The following PPARGC1A variants were observed in gnomAD, a reference collection of about 807,000 sequenced individuals.
PPARGC1A encodes the protein peroxisome proliferator-activated receptor gamma coactivator 1-alpha.
Under a neutral mutation model 88.7 loss-of-function variants are expected in PPARGC1A, and 25 were observed. The ratio of observed to expected loss-of-function variants is 0.28; its 90% CI spans 0.21 to 0.39. The LOEUF (loss-of-function observed/expected upper bound fraction) is 0.39, where lower values mean the gene tolerates loss of function less well. PPARGC1A is among the 10% of genes least tolerant of loss of function. The pLI, the probability that PPARGC1A is intolerant of heterozygous loss-of-function variation, is 1.00. For synonymous variants in PPARGC1A, 363 were observed against 355.6 expected (o/e 1.02, Z -0.24); for missense variants, 880 against 968.7 (o/e 0.91, Z 1.22).
the PPARGC1A span, among the ~76,000 whole-genome samples, chr4:24,052,903 A>G: frequency 8.9e-5 from 10 of 112,792 alleles, no homozygotes; most frequent in Non-Finnish European, 1.1e-4. Context: ...TCACTCTCTC[A>G]CCCAGGCTGA....
the PPARGC1A span, among the ~76,000 whole-genome samples, chr4:24,064,740 T>G: frequency 1.5e-3 from 224 of 152,250 alleles, no homozygotes; most frequent in African/African-American, 5.0e-3. Flanking sequence ...CTGAAGACAT[T>G]ATCCTTTCTG....
At chr4:24,356,648 C>T in the PPARGC1A span, among the ~76,000 whole-genome samples, 1 of 152,148 alleles carries the variant, frequency 6.6e-6, no homozygotes, top group African/African-American at 2.4e-5. Context: ...GTCTCTGGGC[C>T]CTGTCCTTTG....
chr4:23,868,016 T>C (rs993460342), intron 2 of PPARGC1A, among the ~76,000 whole-genome samples: 1 of 152,210 alleles, frequency 6.6e-6, no homozygotes, highest in Non-Finnish European at 1.5e-5. Flanking sequence ...TGCATTTGCA[T>C]GAGCTTCCTG....
the PPARGC1A span, among the ~76,000 whole-genome samples, chr4:23,951,074 A>G: frequency 6.6e-6 from 1 of 152,290 alleles, no homozygotes; most frequent in East Asian, 1.9e-4. Flanking sequence ...GCTACATGCC[A>G]GAGCCTGCAC....
chr4:23,969,824 C>G, the PPARGC1A span, among the ~76,000 whole-genome samples: 1 of 152,182 alleles, frequency 6.6e-6, no homozygotes, highest in Non-Finnish European at 1.5e-5. Flanking sequence ...AGCATCGAAA[C>G]ATGGATTACA....
At chr4:23,975,420 CT>C in the PPARGC1A span, among the ~76,000 whole-genome samples, 84,943 of 149,800 alleles carry the variant, frequency 0.57, 24,434 homozygotes, top group Admixed American at 0.63. Context: ...GCTATTCATT[CT>C]TTTTTTTTTT....
chr4:24,310,257 C>T, the PPARGC1A span, among the ~76,000 whole-genome samples: 2 of 152,136 alleles, frequency 1.3e-5, no homozygotes, highest in African/African-American at 4.8e-5. Context: ...AAGAGATCCA[C>T]TTCTAAGTTT....
At chr4:24,000,986 G>A in the PPARGC1A span, among the ~76,000 whole-genome samples, 1 of 152,114 alleles carries the variant, frequency 6.6e-6, no homozygotes, top group Non-Finnish European at 1.5e-5. Context: ...TATCTAAAGA[G>A]TACTATAGAA....
chr4:24,468,531 G>A, the PPARGC1A span, among the ~76,000 whole-genome samples: 234 of 152,216 alleles, frequency 1.5e-3, 5 homozygotes, highest in East Asian at 0.037. Flanking sequence ...AAATTTCCCA[G>A]TTTTTAAATG....
chr4:23,974,126 A>T, the PPARGC1A span, among the ~76,000 whole-genome samples: 2 of 152,158 alleles, frequency 1.3e-5, no homozygotes, highest in Non-Finnish European at 2.9e-5. Context: ...GCTAAGAATT[A>T]GTTGCACCAT....
At chr4:24,012,981 C>T in the PPARGC1A span, among the ~76,000 whole-genome samples, 1 of 152,202 alleles carries the variant, frequency 6.6e-6, no homozygotes, top group East Asian at 1.9e-4. Flanking sequence ...AATTTATTCT[C>T]CCACATTTTT....
chr4:24,246,427 C>T, the PPARGC1A span, among the ~76,000 whole-genome samples: 1 of 152,044 alleles, frequency 6.6e-6, no homozygotes, highest in East Asian at 1.9e-4. Context: ...AGTTCAAGAC[C>T]AGCTTGGGCA....
chr4:24,294,762 G>C, the PPARGC1A span, among the ~76,000 whole-genome samples: 1 of 152,180 alleles, frequency 6.6e-6, no homozygotes, highest in Admixed American at 6.5e-5. Flanking sequence ...TTCCTTTTAT[G>C]TTTTCTTCAT....
At chr4:23,861,252 G>A (rs551166466) in intron 2 of PPARGC1A, among the ~76,000 whole-genome samples, 5 of 152,232 alleles carry the variant, frequency 3.3e-5, no homozygotes, top group South Asian at 4.2e-4. Context: ...TGTATTATTC[G>A]AAACAAAGAA....
the PPARGC1A span, among the ~76,000 whole-genome samples, chr4:24,131,990 A>G: frequency 6.6e-6 from 1 of 152,208 alleles, no homozygotes; most frequent in African/African-American, 2.4e-5. Context: ...TTATGTTAAA[A>G]CATGGCCTAG....
At chr4:23,888,233 G>A (rs549859227) in intron 1 of PPARGC1A, among the ~76,000 whole-genome samples, 6 of 152,262 alleles carry the variant, frequency 3.9e-5, no homozygotes, top group Admixed American at 6.5e-5. Context: ...GCCGACTGGC[G>A]ACTCTATCCA....
At chr4:24,342,286 A>T in the PPARGC1A span, among the ~76,000 whole-genome samples, 2 of 152,194 alleles carry the variant, frequency 1.3e-5, no homozygotes, top group Admixed American at 6.5e-5. Flanking sequence ...TTTCAAAAAA[A>T]AATCTGCAAG....
chr4:24,086,551 C>T, the PPARGC1A span, among the ~76,000 whole-genome samples: 15 of 152,194 alleles, frequency 9.9e-5, no homozygotes, highest in Non-Finnish European at 1.3e-4. Context: ...GGCCTACCTA[C>T]AGTGCTCCCA....
chr4:24,464,905 G>A, the PPARGC1A span, among the ~76,000 whole-genome samples: 1 of 152,142 alleles, frequency 6.6e-6, no homozygotes, highest in African/African-American at 2.4e-5. Context: ...GCCTCCCCCA[G>A]TAGCAAGCTT....
Sources: allele counts gnomAD v4.1 joint callset (sites outside exome capture counted in the v4.1 genomes callset), GRCh38; gene constraint gnomAD v4.1.1; transcripts MANE v1.5; gene names NCBI Gene and HGNC (gene_info 2026-07-23, HGNC 2026-07-21).